Variants in TSHZ3 observed in about 807,000 individuals in gnomAD.
TSHZ3 encodes teashirt zinc finger homeobox 3, also known as teashirt homolog 3.
In TSHZ3, 10 loss-of-function variants were observed where a neutral mutation model predicts 64.5. The ratio of observed to expected loss-of-function variants is 0.16; its 90% CI spans 0.10 to 0.26. The LOEUF is 0.26. TSHZ3 is among the 10% of genes least tolerant of loss of function. TSHZ3 has a pLI of 1.00. For missense variants in TSHZ3, 1,242 were observed against 1,421.7 expected, an observed-to-expected ratio of 0.87 and a Z score of 2.03; for synonymous variants, 608 against 593.1, an observed-to-expected ratio of 1.03 and a Z score of -0.36.
intron 5 of TSHZ3, among the ~76,000 whole-genome samples, chr19:31,188,541 A>G (rs1974849160): frequency 6.6e-6 from 1 of 151,948 alleles, no homozygotes; most frequent in Admixed American, 6.6e-5. Context: ...GAAAATTAGC[A>G]AATGCTTTTT....
intron 1 of TSHZ3, among the ~76,000 whole-genome samples, chr19:31,303,947 C>T (rs1433756301): frequency 6.6e-6 from 1 of 151,816 alleles, no homozygotes; most frequent in Non-Finnish European, 1.5e-5. Flanking sequence ...TCCACAAGGA[C>T]TTCATGAAGT....
chr19:31,197,320 G>T (rs967577757), intron 5 of TSHZ3, among the ~76,000 whole-genome samples: 4 of 151,530 alleles, frequency 2.6e-5, no homozygotes, highest in Non-Finnish European at 4.4e-5. Context: ...GCTTACAGGG[G>T]AATTTATATC....
intron 5 of TSHZ3, among the ~76,000 whole-genome samples, chr19:31,203,505 C>G (rs1348769689): frequency 6.6e-6 from 1 of 152,120 alleles, no homozygotes; most frequent in Non-Finnish European, 1.5e-5. Context: ...GGGTGGGTAG[C>G]AAGGAGAGCC....
chr19:31,273,013 G>A (rs1976166337), downstream of TSHZ3, among the ~76,000 whole-genome samples: 3 of 152,262 alleles, frequency 2.0e-5, 1 homozygote, highest in East Asian at 3.9e-4. Context: ...CGCGGAGTGC[G>A]ACTTTACAAC....
upstream of TSHZ3, among the ~76,000 whole-genome samples, chr19:31,350,311 T>C (rs1345415307): frequency 6.7e-6 from 1 of 148,600 alleles, no homozygotes; most frequent in South Asian, 2.1e-4. Flanking sequence ...CAATTTTTTT[T>C]CCCCGGACAA....
At chr19:31,269,281 C>T (rs7260519) in intron 1 of TSHZ3, among the ~76,000 whole-genome samples, 146,696 of 152,276 alleles carry the variant, frequency 0.96, 70,707 homozygotes, top group East Asian at 1. Context: ...TTAAATGATA[C>T]TCATTAGAGC....
At chr19:31,178,860 T>G (rs1974654708) in intron 5 of TSHZ3, among the ~76,000 whole-genome samples, 1 of 152,158 alleles carries the variant, frequency 6.6e-6, no homozygotes, top group Non-Finnish European at 1.5e-5. Flanking sequence ...AGCTGAGTCC[T>G]GGAGGATGCA....
At chr19:31,156,412 T>C (rs1179281277) in exon 6 of TSHZ3, among the ~76,000 whole-genome samples, 1 of 152,198 alleles carries the variant, frequency 6.6e-6, no homozygotes, top group Non-Finnish European at 1.5e-5. Flanking sequence ...CAGTTCTTTG[T>C]TCTCCCTATA....
At chr19:31,280,517 C>T (rs1469581108) in intron 1 of TSHZ3, among the ~76,000 whole-genome samples, 1 of 152,112 alleles carries the variant, frequency 6.6e-6, no homozygotes, top group Non-Finnish European at 1.5e-5. Flanking sequence ...CACCTGTGCA[C>T]ACACACTCTC....
intron 1 of TSHZ3, among the ~76,000 whole-genome samples, chr19:31,267,448 G>A (rs73927327): frequency 2.8e-3 from 423 of 152,102 alleles, no homozygotes; most frequent in Non-Finnish European, 4.8e-3. Flanking sequence ...GTCTGGAAGC[G>A]CCCTCAATCC....
rs879897342 is a variant in TSHZ3, at chr19:31,330,707, G to GC, written c.40+18472_40+18473insG. On this transcript the variant is annotated intron_variant, in intron 1 of 1. Coordinates refer to ENST00000240587, the MANE Select transcript of TSHZ3 (RefSeq NM_020856.4). ...GGAGCCAAGTGCTGTTTAATCCTTG[G>GC]GCGGGGGGAGGAAAGTCCAGAACAC... 1.4e-4 allele frequency among the ~76,000 whole-genome samples: 14 copies of GC among 100,294 alleles called. 3 individuals carry two copies. In the South Asian group the frequency reaches 3.3e-3, roughly 23 times the overall value. 65.8% of individuals were successfully genotyped at this position (100,294 alleles called of 152,430 possible).
At chr19:31,209,440 T>A (rs1599584475) in intron 4 of TSHZ3, among the ~76,000 whole-genome samples, 1 of 152,168 alleles carries the variant, frequency 6.6e-6, no homozygotes, top group East Asian at 1.9e-4. Context: ...ATTCTGGCTA[T>A]TCCACTGAGT....
chr19:31,310,426 G>A (rs1916424925), intron 1 of TSHZ3, among the ~76,000 whole-genome samples: 1 of 152,172 alleles, frequency 6.6e-6, no homozygotes, highest in African/African-American at 2.4e-5. Flanking sequence ...GTGCACTGGT[G>A]TCCAGGGTGG....
intron 1 of TSHZ3, among the ~76,000 whole-genome samples, chr19:31,258,492 G>A (rs1975942654): frequency 6.6e-6 from 1 of 152,130 alleles, no homozygotes; most frequent in Non-Finnish European, 1.5e-5. Flanking sequence ...GTCTCTCCCT[G>A]GCTCTGTTTT....
intron 4 of TSHZ3, among the ~76,000 whole-genome samples, chr19:31,216,900 C>T (rs1019307678): frequency 2.0e-5 from 3 of 152,146 alleles, no homozygotes; most frequent in Non-Finnish European, 4.4e-5. Context: ...TTGTGATCTG[C>T]CTGCCTCAGC....
chr19:31,161,007 C>T (rs1974368172), intron 5 of TSHZ3, among the ~76,000 whole-genome samples: 1 of 152,112 alleles, frequency 6.6e-6, no homozygotes, highest in Non-Finnish European at 1.5e-5. Flanking sequence ...TCTTAAATGT[C>T]TCTACAGCTC....
rs796976790 is a variant in TSHZ3 at position 31,298,379 on chromosome 19, C to T, written c.41-18627G>A. Among the ~76,000 whole-genome samples, 35 of 152,264 alleles carry T rather than the reference C, an allele frequency of 2.3e-4. 1 individual carries two copies. Among genetic ancestry groups the T allele is most frequent in the African/African-American group, 8.2e-4 (34 of 41,562 alleles). ...GGGAGGGCTCTGCACAAGCCAGATA[C>T]TCAGTCAATTTCTTTGAATTAAATC... On this transcript the variant is annotated intron_variant, in intron 1 of 1. Transcript: ENST00000240587.
intron 5 of TSHZ3, among the ~76,000 whole-genome samples, chr19:31,198,476 T>C (rs151037883): frequency 1.3e-5 from 2 of 152,068 alleles, no homozygotes; most frequent in Non-Finnish European, 2.9e-5. Flanking sequence ...ATATAAATGA[T>C]GGGAAGGAGG....
intron 5 of TSHZ3, among the ~76,000 whole-genome samples, chr19:31,190,843 C>T (rs542971583): frequency 6.6e-6 from 1 of 151,502 alleles, no homozygotes; most frequent in Non-Finnish European, 1.5e-5. Flanking sequence ...AGTGGGAAAT[C>T]TCAGCCAAGT....
Sources: allele counts gnomAD v4.1 joint callset (sites outside exome capture counted in the v4.1 genomes callset), GRCh38; gene constraint gnomAD v4.1.1; transcripts MANE v1.5; gene names NCBI Gene and HGNC (gene_info 2026-07-23, HGNC 2026-07-21).